Variants in PTPRN2 observed in about 807,000 individuals in gnomAD.
The protein encoded by PTPRN2 is protein tyrosine phosphatase receptor type N2.
In PTPRN2, 74 loss-of-function variants were observed where a neutral mutation model predicts 118.8. The ratio of observed to expected loss-of-function variants is 0.62; its 90% CI spans 0.52 to 0.76. PTPRN2 has a LOEUF of 0.76. Ranked by LOEUF, PTPRN2 falls within the 30% of genes least tolerant of loss-of-function variation. The probability of loss-of-function intolerance (pLI) is 0.00; values close to 1 mark genes in which losing one functional copy is unlikely to be tolerated. For synonymous variants in PTPRN2, 641 were observed against 608.0 expected, an observed-to-expected ratio of 1.05 and a Z score of -0.80; for missense variants, 1,481 against 1,394.4, an observed-to-expected ratio of 1.06 and a Z score of -0.99.
At chr7:157,850,334 C>T (rs1397665244) in intron 12 of PTPRN2, among the ~76,000 whole-genome samples, 1 of 143,958 alleles carries the variant, frequency 6.9e-6, no homozygotes, top group Non-Finnish European at 1.5e-5. Flanking sequence ...GACGTGGGTG[C>T]CTCAGGCTCG....
At chr7:158,269,673 C>G (rs191922497) in intron 3 of PTPRN2, among the ~76,000 whole-genome samples, 2 of 152,226 alleles carry the variant, frequency 1.3e-5, no homozygotes, top group African/African-American at 4.8e-5. Flanking sequence ...CCAGGTGGTT[C>G]TGCCAGGGCC....
At chr7:157,658,536 C>T (rs1049005648) in intron 13 of PTPRN2, among the ~76,000 whole-genome samples, 10 of 152,292 alleles carry the variant, frequency 6.6e-5, no homozygotes, top group Admixed American at 3.3e-4. Context: ...AGCACCTGCC[C>T]GGCCGTATGG....
intron 12 of PTPRN2, among the ~76,000 whole-genome samples, chr7:157,795,170 G>T (rs1334864177): frequency 6.7e-6 from 1 of 148,906 alleles, no homozygotes; most frequent in East Asian, 2.0e-4. Flanking sequence ...TCGGGGGCGG[G>T]GGGGGCTCAA....
At position 158,094,848 on chromosome 7, in the gene PTPRN2, C is replaced by G. The variant is rs766192730; in HGVS notation, c.1644-13471G>C. On this transcript the variant is annotated intron_variant, in intron 10 of 22. Coordinates refer to ENST00000389418, the MANE Select transcript of PTPRN2 (RefSeq NM_002847.5). Reference sequence around the variant, plus strand: ...GTTCCTGAGGGCTCCACTGCGCAGTCCCCACCATCCCTCAGGGTCTCCTGG... The same window carrying G: ...GTTCCTGAGGGCTCCACTGCGCAGTGCCCACCATCCCTCAGGGTCTCCTGG... Among the ~76,000 whole-genome samples, 18 of 152,170 alleles carry G rather than the reference C, an allele frequency of 1.2e-4. 1 individual carries two copies. Among genetic ancestry groups the G allele is most frequent in the Admixed American group, 1.2e-3 (18 of 15,286 alleles).
rs140619128 is a variant in PTPRN2, at chr7:158,469,665, T to C, written c.163+20070A>G. On this transcript the variant is annotated intron_variant, in intron 2 of 22. Transcript: ENST00000389418. ...ACAAATGAGAACGACAACAGCAAGA[T>C]GCTCCTCAATCATTAAAAACACCAA... 3.8e-3 allele frequency among the ~76,000 whole-genome samples: 558 copies of C among 146,798 alleles called. 3 individuals are homozygous for C. The highest frequency in any genetic ancestry group is 0.017 in the South Asian group (80 of 4,736).
At chr7:157,865,407 T>G (rs1255452848) in intron 12 of PTPRN2, 1 of 152,098 alleles carries the variant, frequency 6.6e-6, no homozygotes, top group African/African-American at 2.4e-5. Context: ...GTCCTGGAGG[T>G]GGGTGACCCC....
At chr7:158,183,858 T>C (rs1824922844) in intron 5 of PTPRN2, among the ~76,000 whole-genome samples, 1 of 152,194 alleles carries the variant, frequency 6.6e-6, no homozygotes, top group Non-Finnish European at 1.5e-5. Flanking sequence ...CTGGTGTCGC[T>C]TCTTGGAAAA....
At chr7:157,839,056 GT>G (rs1808182430) in intron 12 of PTPRN2, among the ~76,000 whole-genome samples, 1 of 152,228 alleles carries the variant, frequency 6.6e-6, no homozygotes, top group East Asian at 1.9e-4. Context: ...CCTCTCCGCC[GT>G]GGCTACTCCA....
chr7:158,484,511 C>T (rs1311920641), intron 2 of PTPRN2, among the ~76,000 whole-genome samples: 1 of 152,148 alleles, frequency 6.6e-6, no homozygotes, highest in African/African-American at 2.4e-5. Flanking sequence ...CACAGGCACG[C>T]GCCACCACGC....
intron 11 of PTPRN2, among the ~76,000 whole-genome samples, chr7:158,046,085 A>G (rs893456953): frequency 6.8e-5 from 10 of 146,374 alleles, no homozygotes; most frequent in Non-Finnish European, 3.0e-5. Context: ...GTGTCCTGAC[A>G]CTGCCTTGTT....
chr7:157,949,584 T>C (rs530163992), intron 11 of PTPRN2, among the ~76,000 whole-genome samples: 1 of 152,372 alleles, frequency 6.6e-6, no homozygotes, highest in South Asian at 2.1e-4. Context: ...CCATGCTTGC[T>C]GCAGGACAGC....
At chr7:157,666,612 GA>G (rs1480452832) in intron 13 of PTPRN2, among the ~76,000 whole-genome samples, 1 of 152,220 alleles carries the variant, frequency 6.6e-6, no homozygotes, top group Non-Finnish European at 1.5e-5. Flanking sequence ...AGAGGCTGAG[GA>G]CCAGGACTCT....
At chr7:158,061,509 G>C (rs1309731780) in intron 11 of PTPRN2, among the ~76,000 whole-genome samples, 1 of 152,222 alleles carries the variant, frequency 6.6e-6, no homozygotes, top group Non-Finnish European at 1.5e-5. Flanking sequence ...CCATCATTGA[G>C]GAGAGACCAG....
At chr7:158,404,023 C>G (rs867985657) in intron 2 of PTPRN2, among the ~76,000 whole-genome samples, 1 of 152,246 alleles carries the variant, frequency 6.6e-6, no homozygotes, top group Non-Finnish European at 1.5e-5. Context: ...ACAAAAATGA[C>G]ACGAAGACGT....
At chr7:157,553,652 C>T (rs769532718) in intron 21 of PTPRN2, among the ~76,000 whole-genome samples, 3 of 152,174 alleles carry the variant, frequency 2.0e-5, no homozygotes, top group Admixed American at 6.5e-5. Flanking sequence ...GACACGGGAG[C>T]GTGCCTCCGA....
At chr7:158,005,691 A>G (rs1056344350) in intron 11 of PTPRN2, among the ~76,000 whole-genome samples, 1 of 152,204 alleles carries the variant, frequency 6.6e-6, no homozygotes, top group Non-Finnish European at 1.5e-5. Context: ...GTCACTGCAC[A>G]GCTGGAGAAG....
At chr7:158,193,486 T>G (rs1825942051) in intron 4 of PTPRN2, among the ~76,000 whole-genome samples, 1 of 152,176 alleles carries the variant, frequency 6.6e-6, no homozygotes, top group African/African-American at 2.4e-5. Flanking sequence ...GAGTCAGGAC[T>G]CCCCATGTTT....
intron 2 of PTPRN2, among the ~76,000 whole-genome samples, chr7:158,450,159 C>A (rs566685577): frequency 6.6e-6 from 1 of 152,328 alleles, no homozygotes; most frequent in South Asian, 2.1e-4. Flanking sequence ...CCCTCAAGAC[C>A]CCATCTAACC....
chr7:158,339,271 C>A lies in PTPRN2; in HGVS notation c.164-22339G>T, dbSNP rs542238739. On this transcript the variant is annotated intron_variant, in intron 2 of 22. Transcript: ENST00000389418. ...TGACACCTGCAGATGTCACTCACAC[C>A]CATACTCTCACCATAAGAGCTGACA... is the stretch of plus-strand genomic sequence containing the variant. Among the ~76,000 whole-genome samples, 11 of 9,148 alleles carry A rather than the reference C, an allele frequency of 1.2e-3. 5 individuals carry two copies. The highest frequency in any genetic ancestry group is 0.011 in the East Asian group (11 of 1,016). 6.0% of individuals were successfully genotyped at this position (9,148 alleles called of 152,430 possible). A position where few individuals can be genotyped will look rare whatever the true frequency, so the allele number is the denominator to read the frequency against.
Sources: gnomAD v4.1 joint callset for allele counts (sites outside exome capture counted in the v4.1 genomes callset) on GRCh38, gnomAD v4.1.1 for gene constraint, MANE v1.5 for transcripts, NCBI Gene and HGNC (gene_info 2026-07-23, HGNC 2026-07-21) for gene names.